Variants in MPHOSPH9 observed in about 807,000 individuals in gnomAD.
MPHOSPH9 encodes M-phase phosphoprotein 9.
In MPHOSPH9, 88 loss-of-function variants were observed where a neutral mutation model predicts 145.5. That is an observed-to-expected ratio of 0.60 (90% CI 0.51 to 0.72). MPHOSPH9 has a LOEUF of 0.72. Among genes scored for constraint, MPHOSPH9 ranks in the 30% least tolerant of loss-of-function variants. MPHOSPH9 has a pLI of 0.00. For missense variants in MPHOSPH9, 1,238 were observed against 1,386.6 expected, an observed-to-expected ratio of 0.89 and a Z score of 1.70; for synonymous variants, 435 against 486.2, an observed-to-expected ratio of 0.89 and a Z score of 1.39.
At chr12:123,211,077 C>T (rs771825113) in intron 7 of MPHOSPH9, among the ~76,000 whole-genome samples, 4 of 150,958 alleles carry the variant, frequency 2.6e-5, no homozygotes, top group Non-Finnish European at 5.9e-5. Flanking sequence ...CTCCGCCTCC[C>T]AGGTTCAAGT....
chr12:123,215,544 A>G (rs547159734), intron 6 of MPHOSPH9, among the ~76,000 whole-genome samples: 1 of 152,334 alleles, frequency 6.6e-6, no homozygotes, highest in South Asian at 2.1e-4. Flanking sequence ...AATAAATCAG[A>G]TTAACTCTAA....
chr12:123,208,055 T>C (rs2046519826), intron 8 of MPHOSPH9, among the ~76,000 whole-genome samples: 2 of 150,846 alleles, frequency 1.3e-5, no homozygotes, highest in African/African-American at 4.9e-5. Flanking sequence ...CCCTCTCTAC[T>C]AAAAATACAA....
At chr12:123,225,659 C>T (rs976019199) in intron 3 of MPHOSPH9, among the ~76,000 whole-genome samples, 2 of 152,010 alleles carry the variant, frequency 1.3e-5, no homozygotes, top group Admixed American at 1.3e-4. Flanking sequence ...GTAACAATTT[C>T]TAGTTAAACA....
chr12:123,181,322 A>G (rs2045131808), intron 13 of MPHOSPH9, 112 bp from the exon 14 acceptor site: 9 of 806,672 alleles, frequency 1.1e-5, no homozygotes, highest in South Asian at 1.1e-4. Flanking sequence ...CAATGTCATG[A>G]AAGAGAAAGG....
rs139661830 is a variant in MPHOSPH9, at chr12:123,162,173, T to C, written c.3075A>G (p.Thr1025=). The C allele has an allele frequency of 2.5e-6, 4 of 1,589,292 alleles. No homozygotes were observed. The highest frequency in any genetic ancestry group is 2.6e-6 in the Non-Finnish European group (3 of 1,166,174). ...GCTTTCTTGGATTGGTACGTTGTAATGTAGACACAGGAACAGTATCTAAAT... is the reference window on the plus strand; with the variant it reads ...GCTTTCTTGGATTGGTACGTTGTAACGTAGACACAGGAACAGTATCTAAAT... The part of the protein sequence containing the change: ...LDDLDTVPVS[T]LQRTNPRKQL... Residue 1025 remains threonine (T), a synonymous_variant, in exon 21 of 24, where the codon ACA becomes ACG. Transcript: ENST00000606320.
chr12:123,166,563 C>A, intron 17 of MPHOSPH9, 92 bp downstream of exon 17: 3 of 1,416,658 alleles, frequency 2.1e-6, no homozygotes, highest in South Asian at 1.2e-5. Flanking sequence ...ATTAAAGAAC[C>A]AAAGAGAGGG....
At chr12:123,235,038 G>A (rs4759409), upstream of MPHOSPH9, among the ~76,000 whole-genome samples, 1 of 152,060 alleles carries the variant, frequency 6.6e-6, no homozygotes, top group African/African-American at 2.4e-5. Context: ...AACAAAGGCC[G>A]ATGAAATAAT....
intron 11 of MPHOSPH9, among the ~76,000 whole-genome samples, chr12:123,199,986 A>G (rs1261140953): frequency 6.6e-6 from 1 of 152,070 alleles, no homozygotes; most frequent in Non-Finnish European, 1.5e-5. Context: ...AATACTGATG[A>G]GACTATTCTT....
chr12:123,222,392 G>A (rs1435922200), intron 4 of MPHOSPH9, among the ~76,000 whole-genome samples: 1 of 140,282 alleles, frequency 7.1e-6, no homozygotes, highest in Non-Finnish European at 1.5e-5. Flanking sequence ...GATGCTGGGT[G>A]TGGTGGCTCA....
chr12:123,198,291 C>G lies in MPHOSPH9; in HGVS notation c.1981G>C (p.Val661Leu). Reference sequence around the variant, plus strand: ...TTATTCTTATTTTCAAGTGTTCTCACGCGACTAGTAGCTTCATGCAAAGCA... The same window carrying G: ...TTATTCTTATTTTCAAGTGTTCTCAGGCGACTAGTAGCTTCATGCAAAGCA... Reference protein sequence around the residue: ...DSALHEATSRVRTLENKNNLL... With the variant: ...DSALHEATSRLRTLENKNNLL... The change falls in exon 12 of 24, where the codon GTG becomes CTG. Residue 661 changes from valine (V) to leucine (L), a missense_variant. Physicochemically the swap from Val to Leu is conservative, Grantham distance 32. This residue lies in a region of MPHOSPH9 where 837 missense variants were observed against 897.5 expected (regional missense o/e 0.93). Coordinates refer to ENST00000606320, the MANE Select transcript of MPHOSPH9 (RefSeq NM_022782.4). 1 of 1,612,212 alleles carries G rather than the reference C, an allele frequency of 6.2e-7. No individual in the cohort carries two copies. The highest frequency in any genetic ancestry group is 8.5e-7 in the Non-Finnish European group (1 of 1,179,004).
intron 15 of MPHOSPH9, among the ~76,000 whole-genome samples, chr12:123,179,576 A>T (rs2045031225): frequency 1.3e-5 from 2 of 151,800 alleles, no homozygotes; most frequent in African/African-American, 4.8e-5. Context: ...CTCTGTATCA[A>T]CAACAACAAC....
chr12:123,203,057 T>C lies in MPHOSPH9; in HGVS notation c.1348A>G (p.Met450Val), dbSNP rs1473172844. 1.9e-6 allele frequency: 3 copies of C among 1,613,824 alleles called. No homozygotes were observed. Among genetic ancestry groups the C allele is most frequent in the African/African-American group, 2.7e-5 (2 of 74,924 alleles). The change falls in exon 10 of 24, where the codon ATG becomes GTG. Residue 450 changes from methionine to valine, a missense_variant. By Grantham distance (21) the Met-to-Val change is conservative. This residue lies in a region of MPHOSPH9 where 837 missense variants were observed against 897.5 expected (regional missense o/e 0.93). Coordinates refer to ENST00000606320, the MANE Select transcript of MPHOSPH9 (RefSeq NM_022782.4). ...CCTGAAATCTGCTGCTTTGGCTTCA[T>C]GTGTAACGTAGGATCTAGAGTCAGG... ...EVLTLDPTLH[M>V]KPKQQISGIQ...
intron 7 of MPHOSPH9, 66 bp from the exon 8 acceptor site, chr12:123,210,228 C>A: frequency 1.2e-6 from 1 of 854,274 alleles, no homozygotes; most frequent in Non-Finnish European, 1.8e-6. Context: ...TCTAGAATAA[C>A]ATTTCTACCT....
intron 15 of MPHOSPH9, 61 bp downstream of exon 15, chr12:123,179,865 A>G (rs1338821368): frequency 5.6e-6 from 5 of 897,624 alleles, no homozygotes; most frequent in Non-Finnish European, 8.4e-6. Context: ...CATCATGTTC[A>G]ATACAGACAC....
chr12:123,191,507 G>C (rs1357649620), intron 13 of MPHOSPH9, among the ~76,000 whole-genome samples: 2 of 152,084 alleles, frequency 1.3e-5, no homozygotes, highest in African/African-American at 4.8e-5. Flanking sequence ...TGGCCAGGCT[G>C]GTCTCGAACT....
In MPHOSPH9 at chr12:123,205,383, T is replaced by C. The variant is rs56065517; in HGVS notation, c.1195-2008A>G. 2.0e-3 allele frequency among the ~76,000 whole-genome samples: 310 copies of C among 152,204 alleles called. 3 individuals are homozygous for C. Among genetic ancestry groups the C allele is most frequent in the Non-Finnish European group, 3.8e-3 (255 of 67,990 alleles). On this transcript the variant is annotated intron_variant, in intron 8 of 23. Coordinates refer to ENST00000606320, the MANE Select transcript of MPHOSPH9 (RefSeq NM_022782.4). ...CAATATGGTGAAACCCCATCTCTACTAAAAACACAAAAATTAGCCGGGTGT... is the reference window on the plus strand; with the variant it reads ...CAATATGGTGAAACCCCATCTCTACCAAAAACACAAAAATTAGCCGGGTGT...
At chr12:123,242,662 G>C (rs2047959514) in intron 1 of MPHOSPH9, among the ~76,000 whole-genome samples, 1 of 152,210 alleles carries the variant, frequency 6.6e-6, no homozygotes, top group Admixed American at 6.5e-5. Context: ...AACTCCAGCT[G>C]GGTGGGAGAC....
At chr12:123,165,994 C>A (rs571604383) in intron 17 of MPHOSPH9, among the ~76,000 whole-genome samples, 1 of 152,360 alleles carries the variant, frequency 6.6e-6, no homozygotes, top group South Asian at 2.1e-4. Context: ...TCCTTCTAGT[C>A]CTACACTTAG....
chr12:123,197,572 A>G (rs753770215), intron 12 of MPHOSPH9, among the ~76,000 whole-genome samples: 1 of 152,004 alleles, frequency 6.6e-6, no homozygotes, highest in Non-Finnish European at 1.5e-5. Context: ...TCACGAGGTC[A>G]GGCATTACAA....
Sources: gnomAD v4.1 joint callset for allele counts (sites outside exome capture counted in the v4.1 genomes callset) on GRCh38, gnomAD v4.1.1 for gene constraint, gnomAD v4.1.1 regional missense constraint, MANE v1.5 for transcripts, NCBI Gene and HGNC (gene_info 2026-07-23, HGNC 2026-07-21) for gene names.